OXR1: variants seen among roughly 807,000 people sequenced by gnomAD.
The protein encoded by OXR1 is oxidation resistance protein 1.
A neutral mutation model predicts 104.6 loss-of-function variants in OXR1; 41 were observed. The observed-to-expected ratio is 0.39, with a 90% CI of 0.31 to 0.51. The LOEUF is 0.51. Ranked by LOEUF, OXR1 falls within the 20% of genes least tolerant of loss-of-function variation. OXR1 has a pLI of 0.77. For synonymous variants in OXR1, 348 were observed against 348.4 expected, an observed-to-expected ratio of 1.00 and a Z score of 0.01; for missense variants, 955 against 1,031.9, an observed-to-expected ratio of 0.93 and a Z score of 1.02.
chr8:106,679,262 T>C lies in OXR1; in HGVS notation c.273T>C (p.Phe91=). The C allele has an allele frequency of 6.2e-7, 1 of 1,609,312 alleles. No individual in the cohort carries two copies. The change falls in exon 4 of 17, where the codon TTT becomes TTC. Residue 91 remains phenylalanine (F), a synonymous_variant. Transcript: ENST00000517566. ...LDKKDGRRMS[F]QKPKGTIEYT... is the part of the protein sequence containing the mutation. ...AGAAAGATGGAAGACGAATGTCTTT[T>C]CAGAAACCTAAAGGGACTATTGAGT...
At chr8:106,448,137 A>G (rs1289082891) in intron 2 of OXR1, 1 of 1,383,404 alleles carries the variant, frequency 7.2e-7, no homozygotes, top group Non-Finnish European at 9.9e-7. Context: ...TAGCTCTCTG[A>G]TTTCTGTGCA....
At chr8:106,715,408 T>C (rs1199992459) in intron 11 of OXR1, among the ~76,000 whole-genome samples, 1 of 148,064 alleles carries the variant, frequency 6.8e-6, no homozygotes. Context: ...ATATATAATA[T>C]ATATAATACG....
rs554317036 is a variant in OXR1, at chr8:106,692,058, T to C, written c.526-670T>C. 2.4e-3 allele frequency among the ~76,000 whole-genome samples: 364 copies of C among 151,864 alleles called. 2 individuals carry two copies. The highest frequency in any genetic ancestry group is 3.1e-3 in the Non-Finnish European group (208 of 67,894). ...ATACCTCTAGTTTGTTTTTAAAAAA[T>C]GTTTTAATACCATGTTGTTTCCATT... On this transcript the variant is annotated intron_variant, in intron 6 of 16. Transcript: ENST00000517566.
At chr8:106,541,257 A>T (rs1021228165) in intron 3 of OXR1, among the ~76,000 whole-genome samples, 5 of 152,228 alleles carry the variant, frequency 3.3e-5, no homozygotes, top group African/African-American at 1.2e-4. Context: ...AGTGTGTCAG[A>T]CACATAGTAA....
At chr8:106,351,779 TGTC>T (rs531465046) in intron 1 of OXR1, among the ~76,000 whole-genome samples, 9 of 152,244 alleles carry the variant, frequency 5.9e-5, no homozygotes, top group Non-Finnish European at 1.0e-4. Flanking sequence ...TCCTCATGAT[TGTC>T]GTCATCATCA....
intron 3 of OXR1, among the ~76,000 whole-genome samples, chr8:106,520,042 G>T (rs1390383681): frequency 6.6e-6 from 1 of 152,224 alleles, no homozygotes; most frequent in Non-Finnish European, 1.5e-5. Context: ...GGCCTTGCTT[G>T]TTACTTCAAT....
rs199680039 is a variant in OXR1, at chr8:106,342,575, A to AT, written c.-138-16894dup. On this transcript the variant is annotated intron_variant, in intron 1 of 16. Coordinates refer to ENST00000517566, the MANE Select transcript of OXR1 (RefSeq NM_001198533.2). ...CGGCCTCTCTTTTCATCTTTTATGT[A>AT]TTTTTTTAGCTTTTCTCTCTCTACT... is the stretch of plus-strand genomic sequence containing the variant. Among the ~76,000 whole-genome samples, 1,363 of 151,800 alleles carry AT rather than the reference A, an allele frequency of 9.0e-3. 28 individuals carry two copies. Among genetic ancestry groups the AT allele is most frequent in the African/African-American group, 0.031 (1,284 of 41,384 alleles).
chr8:106,542,711 T>C (rs1201706007), intron 3 of OXR1, among the ~76,000 whole-genome samples: 1 of 152,128 alleles, frequency 6.6e-6, no homozygotes, highest in Non-Finnish European at 1.5e-5. Flanking sequence ...ATCATGCTGT[T>C]AGCAATAACC....
At chr8:106,722,385 C>G (rs1258247077) in intron 11 of OXR1, among the ~76,000 whole-genome samples, 1 of 151,344 alleles carries the variant, frequency 6.6e-6, no homozygotes, top group Non-Finnish European at 1.5e-5. Context: ...AATTATAACT[C>G]CAGAAGAAAT....
chr8:106,719,151 G>A lies in OXR1; in HGVS notation c.1956+5166G>A, dbSNP rs546531838. ...CAGTGTTGTGAGGATACTGTTTGATGTGGGGCTTTGCAGTTCTGTGATAAA... is the reference window on the plus strand; with the variant it reads ...CAGTGTTGTGAGGATACTGTTTGATATGGGGCTTTGCAGTTCTGTGATAAA... On this transcript the variant is annotated intron_variant, in intron 11 of 16. Coordinates refer to ENST00000517566, the MANE Select transcript of OXR1 (RefSeq NM_001198533.2). Among the ~76,000 whole-genome samples the A allele has an allele frequency of 1.2e-4, 19 of 152,278 alleles. No individual in the cohort carries two copies. In the South Asian group the frequency reaches 3.9e-3, roughly 32 times the overall value.
intron 1 of OXR1, among the ~76,000 whole-genome samples, chr8:106,339,379 C>T (rs1240534266): frequency 6.7e-6 from 1 of 149,532 alleles, no homozygotes; most frequent in Non-Finnish European, 1.5e-5. Flanking sequence ...CCTGTAGTCC[C>T]AGCTACTGGG....
chr8:106,479,756 A>G (rs1310811911), intron 2 of OXR1, among the ~76,000 whole-genome samples: 1 of 152,070 alleles, frequency 6.6e-6, no homozygotes, highest in East Asian at 1.9e-4. Flanking sequence ...AATTTAATCA[A>G]TATTCACATC....
At chr8:106,750,324 C>CTTTCT (rs1835781390) in intron 16 of OXR1, among the ~76,000 whole-genome samples, 1 of 138,202 alleles carries the variant, frequency 7.2e-6, no homozygotes, top group Admixed American at 7.3e-5. Context: ...CTTTTCTTTT[C>CTTTCT]TTTTTTTTTT....
At chr8:106,723,220 G>A (rs747229993) in intron 11 of OXR1, among the ~76,000 whole-genome samples, 7 of 152,000 alleles carry the variant, frequency 4.6e-5, no homozygotes, top group Admixed American at 1.3e-4. Flanking sequence ...GGCCAGGTGC[G>A]GTGGCTCATG....
chr8:106,738,034 C>T lies in OXR1; in HGVS notation c.2037+434C>T, dbSNP rs1297104228. Among the ~76,000 whole-genome samples, 4 of 152,094 alleles carry T rather than the reference C, an allele frequency of 2.6e-5. No individual in the cohort carries two copies. In the East Asian group the frequency reaches 7.7e-4, roughly 29 times the overall value. On this transcript the variant is annotated intron_variant, in intron 12 of 16. Transcript: ENST00000517566. The stretch of plus-strand genomic sequence containing the variant: ...TTTATATCAGCGTCACATCAAATAT[C>T]TCAATAGGATAAACTGTTCTTGAGG...
chr8:106,495,385 G>C (rs755944137), intron 2 of OXR1, among the ~76,000 whole-genome samples: 3 of 152,140 alleles, frequency 2.0e-5, no homozygotes, highest in Non-Finnish European at 4.4e-5. Context: ...GAGAGAAAAG[G>C]AGAAGAGGGT....
intron 3 of OXR1, among the ~76,000 whole-genome samples, chr8:106,596,341 G>A (rs961807270): frequency 5.3e-5 from 8 of 152,128 alleles, no homozygotes; most frequent in Non-Finnish European, 1.0e-4. Flanking sequence ...TGCTACTTGG[G>A]AGGCTGAGGC....
intron 1 of OXR1, among the ~76,000 whole-genome samples, chr8:106,282,510 C>T (rs1812330660): frequency 6.6e-6 from 1 of 152,136 alleles, no homozygotes; most frequent in South Asian, 2.1e-4. Context: ...AACTTAACTA[C>T]TAATAGCCTA....
At chr8:106,688,621 G>T (rs1438457420) in intron 6 of OXR1, among the ~76,000 whole-genome samples, 2 of 151,980 alleles carry the variant, frequency 1.3e-5, no homozygotes, top group Non-Finnish European at 2.9e-5. Context: ...GTTCATTTCA[G>T]AATTTTAATC....
Sources: allele counts gnomAD v4.1 joint callset (sites outside exome capture counted in the v4.1 genomes callset), GRCh38; gene constraint gnomAD v4.1.1; transcripts MANE v1.5; gene names NCBI Gene and HGNC (gene_info 2026-07-23, HGNC 2026-07-21).